MYO9B: variants seen among roughly 807,000 people sequenced by gnomAD.
The protein encoded by MYO9B is myosin IXB, also known as unconventional myosin-IXb.
MYO9B carries 71 observed loss-of-function variants against 229.5 expected under a neutral mutation model. The ratio of observed to expected loss-of-function variants is 0.31; its 90% confidence interval spans 0.26 to 0.38. MYO9B has a LOEUF of 0.38. Ranked by LOEUF, MYO9B falls within the 10% of genes least tolerant of loss-of-function variation. The pLI is 1.00. For missense variants in MYO9B, 2,255 were observed against 2,920.5 expected (o/e 0.77, Z 5.25); for synonymous variants, 1,185 against 1,235.8 (o/e 0.96, Z 0.86).
Position 17,200,717 on chromosome 19 carries a change from G to A in MYO9B, c.4451G>A (p.Arg1484Gln), listed in dbSNP as rs745702605. 9.3e-6 allele frequency: 15 copies of A among 1,613,952 alleles called. No homozygotes were observed. The Admixed American group carries it at 1.2e-4, about 13-fold the overall frequency. ...CCAGGAGGCAAAGGGAAGAAGAACC[G>A]AAATGTCAAGATTGGGAAGATCACA... ...KEPGGKGKKN[R>Q]NVKIGKITVS... The change falls in exon 26 of 40, where the codon CGA (arginine) becomes CAA (glutamine). Residue 1484 changes from arginine (R) to glutamine (Q), a missense_variant. By Grantham distance (43) the Arg-to-Gln change is conservative (BLOSUM62 1). Transcript: ENST00000682292.
chr19:17,150,611 C>G (rs2072467174), intron 3 of MYO9B, among the ~76,000 whole-genome samples: 1 of 142,044 alleles, frequency 7.0e-6, no homozygotes, highest in African/African-American at 2.4e-5. Context: ...ATAGACCGGC[C>G]CCACCAGACT....
chr19:17,105,410 G>A (rs1218356142), intron 2 of MYO9B, among the ~76,000 whole-genome samples: 3 of 151,598 alleles, frequency 2.0e-5, no homozygotes, highest in South Asian at 2.1e-4. Flanking sequence ...CAGGAGAATC[G>A]CTTGAGCCCG....
At chr19:17,176,116 G>A (rs538718258) in intron 14 of MYO9B, among the ~76,000 whole-genome samples, 20 of 152,094 alleles carry the variant, frequency 1.3e-4, no homozygotes, top group South Asian at 8.3e-4. Context: ...TGCAGGCTCC[G>A]CCTCGCAGGT....
At chr19:17,163,227 G>A in intron 10 of MYO9B, 105 bp downstream of exon 10, 1 of 1,264,398 alleles carries the variant, frequency 7.9e-7, no homozygotes, top group South Asian at 1.5e-5. Flanking sequence ...GCGGCGGTAA[G>A]TACATTCACA....
At chr19:17,210,246 C>T (rs1458372741) in intron 36 of MYO9B, 87 bp from the exon 37 acceptor site, 2 of 1,368,208 alleles carry the variant, frequency 1.5e-6, no homozygotes, top group African/African-American at 2.9e-5. Context: ...GACCCCCTAT[C>T]TTGGTACCGG....
At position 17,194,550 on chromosome 19, in the gene MYO9B, C is replaced by T; in HGVS notation, c.3129-6C>T. On this transcript the variant is annotated splice_polypyrimidine_tract_variant and splice_region_variant and intron_variant, in intron 21 of 39. Coordinates refer to ENST00000682292, the MANE Select transcript of MYO9B (RefSeq NM_004145.4). ...GAACCAGCTGTCTGCTTTTTCCTCA[C>T]TCCAGCTTCAGCCAGATGATCTCGG... 6.2e-7 allele frequency: 1 copy of T among 1,611,940 alleles called. No individual in the cohort carries two copies. The highest frequency in any genetic ancestry group is 2.2e-5 in the East Asian group (1 of 44,876).
intron 3 of MYO9B, among the ~76,000 whole-genome samples, chr19:17,147,214 C>G (rs2145244226): frequency 6.6e-6 from 1 of 152,274 alleles, no homozygotes; most frequent in South Asian, 2.1e-4. Context: ...CCATGAAGAC[C>G]CCACCTTTTT....
chr19:17,209,640 G>C lies in MYO9B; in HGVS notation c.5679G>C (p.Glu1893Asp). The change falls in exon 36 of 40, where the codon GAG becomes GAC. Residue 1893 changes from glutamate to aspartate, a missense_variant. Coordinates refer to ENST00000682292, the MANE Select transcript of MYO9B (RefSeq NM_004145.4). ...EQMRKYKVKM[E>D]EISQLEAAES... ...TGAGGAAATACAAAGTGAAGATGGA[G>C]GAGATCAGCCAACTGGAGGCTGCAG... The C allele has an allele frequency of 6.2e-7, 1 of 1,610,254 alleles. No homozygotes were observed. The highest frequency in any genetic ancestry group is 1.7e-5 in the Admixed American group (1 of 59,282).
intron 1 of MYO9B, among the ~76,000 whole-genome samples, chr19:17,091,760 A>G (rs1312733830): frequency 6.6e-6 from 1 of 151,992 alleles, no homozygotes; most frequent in East Asian, 1.9e-4. Context: ...TGTCCCTTCT[A>G]GGGCTACCCC....
Position 17,171,353 on chromosome 19 carries a change from C to T in MYO9B, c.1794-983C>T, listed in dbSNP as rs928543670. On this transcript the variant is annotated intron_variant, in intron 11 of 39. Coordinates refer to ENST00000682292, the MANE Select transcript of MYO9B (RefSeq NM_004145.4). Reference sequence around the variant, plus strand: ...CCACAATCTCCCCCTCCCCGGAGCACAACAGAGCCCTGCTTCATCCTCCTC... The same window carrying T: ...CCACAATCTCCCCCTCCCCGGAGCATAACAGAGCCCTGCTTCATCCTCCTC... Among the ~76,000 whole-genome samples, 3 of 152,234 alleles carry T rather than the reference C, an allele frequency of 2.0e-5. No homozygotes were observed. In the South Asian group the frequency reaches 6.2e-4, roughly 32 times the overall value.
At chr19:17,184,707 A>G (rs7245842) in intron 16 of MYO9B, 158 bp from the exon 17 acceptor site, 38,286 of 868,858 alleles carry the variant, frequency 0.044, 2,092 homozygotes, top group African/African-American at 0.23. Context: ...CACTGGGCCC[A>G]CATCAATAGT....
At chr19:17,085,009 G>A (rs2057569289) in intron 1 of MYO9B, among the ~76,000 whole-genome samples, 1 of 152,160 alleles carries the variant, frequency 6.6e-6, no homozygotes, top group African/African-American at 2.4e-5. Context: ...AAGCTTTTGA[G>A]GGGCAAGCAG....
Position 17,112,610 on chromosome 19 carries a change from A to G in MYO9B, c.840+10053A>G, listed in dbSNP as rs548123470. ...TCCCAAGGGAGGAGGAGAGGGGGTC[A>G]GAGATGGCTGCAGGGGAACTGCCCG... On this transcript the variant is annotated intron_variant, in intron 2 of 39. Transcript: ENST00000682292. Among the ~76,000 whole-genome samples, 23 of 152,336 alleles carry G rather than the reference A, an allele frequency of 1.5e-4. No homozygotes were observed. The East Asian group carries it at 4.2e-3, about 28-fold the overall frequency.
intron 2 of MYO9B, among the ~76,000 whole-genome samples, chr19:17,129,599 T>C (rs1459232670): frequency 6.6e-6 from 1 of 152,196 alleles, no homozygotes; most frequent in Non-Finnish European, 1.5e-5. Flanking sequence ...CTCCTGCTCT[T>C]GGACTTGAGG....
chr19:17,198,488 A>G (rs2073071593), intron 24 of MYO9B, among the ~76,000 whole-genome samples, 180 bp downstream of exon 24: 1 of 152,144 alleles, frequency 6.6e-6, no homozygotes, highest in Non-Finnish European at 1.5e-5. Flanking sequence ...TAATCCCAGC[A>G]CTTTGGGATG....
At chr19:17,122,464 G>A (rs528165948) in intron 2 of MYO9B, among the ~76,000 whole-genome samples, 8 of 151,788 alleles carry the variant, frequency 5.3e-5, no homozygotes, top group South Asian at 2.1e-4. Context: ...GCTTGAACCC[G>A]GGAGATTGCA....
At chr19:17,120,933 G>A (rs530003876) in intron 2 of MYO9B, among the ~76,000 whole-genome samples, 70 of 152,224 alleles carry the variant, frequency 4.6e-4, no homozygotes, top group South Asian at 1.2e-3. Context: ...CCTCATACCC[G>A]GTCTGGGGTT....
In MYO9B at chr19:17,189,568, G is replaced by A. The variant is rs539598957; in HGVS notation, c.2688+1523G>A. ...GATTGCTTGAGTCTGGGAGGTTGAA[G>A]GTGCAGTAAGCCATGTTTGCACCAC... On this transcript the variant is annotated intron_variant, in intron 19 of 39. Transcript: ENST00000682292. Among the ~76,000 whole-genome samples the A allele has an allele frequency of 8.6e-5, 13 of 152,046 alleles. No homozygotes were observed. In the South Asian group the frequency reaches 2.3e-3, roughly 27 times the overall value.
rs767810647 is a variant in MYO9B at position 17,102,341 on chromosome 19, G to A, written c.624G>A (p.Leu208=). 1 of 1,614,050 alleles carries A rather than the reference G, an allele frequency of 6.2e-7. No homozygotes were observed. Among genetic ancestry groups the A allele is most frequent in the South Asian group, 1.1e-5 (1 of 91,084 alleles). ...TGAAGATGTATGAGAACCAGCAGCT[G>A]GGCAAGCTGGAGCCACACGTCTTCG... is the stretch of plus-strand genomic sequence containing the variant. ...KYVKMYENQQ[L]GKLEPHVFAL... The change falls in exon 2 of 40, where the codon CTG becomes CTA. Residue 208 remains leucine (L), a synonymous_variant. Coordinates refer to ENST00000682292, the MANE Select transcript of MYO9B (RefSeq NM_004145.4).
Sources: gnomAD v4.1 joint callset for allele counts (sites outside exome capture counted in the v4.1 genomes callset) on GRCh38, gnomAD v4.1.1 for gene constraint, MANE v1.5 for transcripts, NCBI Gene and HGNC (gene_info 2026-07-23, HGNC 2026-07-21) for gene names.